The following ASIC2 variants were observed in gnomAD, a reference collection of about 807,000 sequenced individuals.
ASIC2 encodes the protein acid sensing ion channel subunit 2, also known as acid-sensing ion channel 2.
Under a neutral mutation model 57.3 loss-of-function variants are expected in ASIC2, and 25 were observed. The observed-to-expected ratio is 0.44, with a 90% CI of 0.32 to 0.61. The LOEUF (loss-of-function observed/expected upper bound fraction) is 0.61. Ranked by LOEUF, ASIC2 falls within the 20% of genes least tolerant of loss-of-function variation. ASIC2 has a pLI of 0.06. For missense variants in ASIC2, 641 were observed against 738.1 expected (o/e 0.87, Z 1.52); for synonymous variants, 319 against 307.5 (o/e 1.04, Z -0.39).
At chr17:33,914,630 TAAA>T (rs1322790520) in intron 1 of ASIC2, among the ~76,000 whole-genome samples, 5 of 152,238 alleles carry the variant, frequency 3.3e-5, no homozygotes, top group Middle Eastern at 3.4e-3. Flanking sequence ...GGGTGGCACA[TAAA>T]GAAGTTGAGG....
chr17:33,872,618 C>T (rs901042037), intron 1 of ASIC2, among the ~76,000 whole-genome samples: 1 of 152,154 alleles, frequency 6.6e-6, no homozygotes, highest in African/African-American at 2.4e-5. Flanking sequence ...CACCTGAAAC[C>T]TGCAAGCTAG....
At chr17:33,075,073 A>T (rs2092084120) in intron 3 of ASIC2, among the ~76,000 whole-genome samples, 1 of 152,062 alleles carries the variant, frequency 6.6e-6, no homozygotes, top group African/African-American at 2.4e-5. Flanking sequence ...CCCAAATTTC[A>T]TCTTGAATTG....
At chr17:33,875,615 TCTGGGCTA>T (rs1403640838) in intron 1 of ASIC2, among the ~76,000 whole-genome samples, 1 of 152,158 alleles carries the variant, frequency 6.6e-6, no homozygotes, top group Non-Finnish European at 1.5e-5. Flanking sequence ...CCTCTGAACT[TCTGGGCTA>T]GTCATTTTCT....
At chr17:33,842,192 C>G (rs1913458094) in intron 1 of ASIC2, among the ~76,000 whole-genome samples, 1 of 152,198 alleles carries the variant, frequency 6.6e-6, no homozygotes, top group South Asian at 2.1e-4. Flanking sequence ...TAACACCCTC[C>G]CCTTAATGAC....
intron 1 of ASIC2, among the ~76,000 whole-genome samples, chr17:33,825,501 T>A (rs1295858777): frequency 6.6e-6 from 1 of 152,134 alleles, no homozygotes; most frequent in Non-Finnish European, 1.5e-5. Flanking sequence ...TCCTAATGTT[T>A]CCTCTAAAGC....
intron 1 of ASIC2, among the ~76,000 whole-genome samples, chr17:33,723,483 C>T (rs938905286): frequency 1.3e-5 from 2 of 152,206 alleles, no homozygotes; most frequent in East Asian, 1.9e-4. Flanking sequence ...TGTATGCCAC[C>T]ATGTCTGGCT....
chr17:33,763,873 C>T (rs1329701877), intron 1 of ASIC2, among the ~76,000 whole-genome samples: 1 of 152,190 alleles, frequency 6.6e-6, no homozygotes, highest in Non-Finnish European at 1.5e-5. Flanking sequence ...CTTGACAGGT[C>T]CCTTTCCCCC....
intron 1 of ASIC2, among the ~76,000 whole-genome samples, chr17:33,637,349 G>A (rs1906405377): frequency 6.6e-6 from 1 of 151,828 alleles, no homozygotes; most frequent in Non-Finnish European, 1.5e-5. Flanking sequence ...GATTCCTCTG[G>A]TTACTCTGGG....
rs149828020 is a variant in ASIC2 at position 33,524,338 on chromosome 17, A to C, written c.556-412271T>G. Among the ~76,000 whole-genome samples, 78 of 152,330 alleles carry C rather than the reference A, an allele frequency of 5.1e-4. 2 individuals carry two copies. In the East Asian group the frequency reaches 0.014, roughly 27 times the overall value. Reference sequence around the variant, plus strand: ...TTATTCCCATTTCACAGAGGAGGAAATGAAGCCTCTGAGAGATTGGCTGAC... The same window carrying C: ...TTATTCCCATTTCACAGAGGAGGAACTGAAGCCTCTGAGAGATTGGCTGAC... On this transcript the variant is annotated intron_variant, in intron 1 of 9. Coordinates refer to the ASIC2 transcript ENST00000359872.
At chr17:34,046,820 C>A (rs535443864) in intron 1 of ASIC2, among the ~76,000 whole-genome samples, 1 of 152,228 alleles carries the variant, frequency 6.6e-6, no homozygotes, top group South Asian at 2.1e-4. Context: ...CCAGTTTGTT[C>A]TTTCAGGCCT....
chr17:33,271,985 A>G (rs1369835336), intron 1 of ASIC2, among the ~76,000 whole-genome samples: 1 of 152,306 alleles, frequency 6.6e-6, no homozygotes, highest in Non-Finnish European at 1.5e-5. Context: ...ACAGGCCTTC[A>G]TTCTGTTTTT....
intron 1 of ASIC2, among the ~76,000 whole-genome samples, chr17:33,883,775 T>C (rs1464888896): frequency 6.6e-6 from 1 of 152,208 alleles, no homozygotes; most frequent in Non-Finnish European, 1.5e-5. Flanking sequence ...AATGGACCTC[T>C]ATTTCTGTAA....
intron 1 of ASIC2, among the ~76,000 whole-genome samples, chr17:33,706,789 G>A (rs1279829010): frequency 6.6e-6 from 1 of 152,072 alleles, no homozygotes; most frequent in Non-Finnish European, 1.5e-5. Flanking sequence ...GCCCCCACCT[G>A]GGAAACATCT....
intron 1 of ASIC2, among the ~76,000 whole-genome samples, chr17:33,529,327 C>T (rs1186948727): frequency 6.6e-6 from 1 of 152,164 alleles, no homozygotes; most frequent in African/African-American, 2.4e-5. Context: ...ATTTTAAGAG[C>T]TCCCTGGCTG....
rs58497632 is a variant in ASIC2 at position 33,872,800 on chromosome 17, A to G, written c.555+283178T>C. 7.0e-3 allele frequency among the ~76,000 whole-genome samples: 1,067 copies of G among 152,280 alleles called. 16 individuals are homozygous for G. The highest frequency in any genetic ancestry group is 0.024 in the African/African-American group (1,012 of 41,546). ...AGATACAGAGGCACATTAAGTATGGATCTGACCACTATACAACCTTCCTGG... is the reference window on the plus strand; with the variant it reads ...AGATACAGAGGCACATTAAGTATGGGTCTGACCACTATACAACCTTCCTGG... On this transcript the variant is annotated intron_variant, in intron 1 of 9. Coordinates refer to the ASIC2 transcript ENST00000359872.
At chr17:33,187,539 T>A (rs1451161331) in intron 1 of ASIC2, among the ~76,000 whole-genome samples, 1 of 152,190 alleles carries the variant, frequency 6.6e-6, no homozygotes, top group Admixed American at 6.6e-5. Context: ...CTAGTTATAA[T>A]GATTTAAAAT....
At chr17:33,277,611 CA>C (rs1214339662) in intron 1 of ASIC2, among the ~76,000 whole-genome samples, 1 of 152,186 alleles carries the variant, frequency 6.6e-6, no homozygotes, top group African/African-American at 2.4e-5. Context: ...ATCTGAACAT[CA>C]AAGGCTTAAG....
At chr17:33,722,678 C>A (rs12937373) in intron 1 of ASIC2, among the ~76,000 whole-genome samples, 21,083 of 151,986 alleles carry the variant, frequency 0.14, 1,623 homozygotes, top group African/African-American at 0.2. Context: ...CAGGAGGATC[C>A]TCTAAGCCCA....
intron 1 of ASIC2, among the ~76,000 whole-genome samples, chr17:34,134,082 A>G (rs1468952121): frequency 6.6e-6 from 1 of 152,164 alleles, no homozygotes; most frequent in Non-Finnish European, 1.5e-5. Context: ...GCTTCCAGGT[A>G]CTGATTCTCT....
Sources: allele counts gnomAD v4.1 joint callset (sites outside exome capture counted in the v4.1 genomes callset), GRCh38; gene constraint gnomAD v4.1.1; transcripts MANE v1.5; gene names NCBI Gene and HGNC (gene_info 2026-07-23, HGNC 2026-07-21).